Variants in SCN2A observed in about 807,000 individuals in gnomAD.
The protein encoded by SCN2A is sodium voltage-gated channel alpha subunit 2, also known as sodium channel protein type 2 subunit alpha.
SCN2A carries 20 observed loss-of-function variants against 188.7 expected under a neutral mutation model. The observed-to-expected ratio is 0.11, with a 90% CI of 0.07 to 0.15. SCN2A has a LOEUF of 0.15. SCN2A is among the 10% of genes least tolerant of loss of function. The pLI is 1.00. For synonymous variants in SCN2A, 804 were observed against 833.1 expected, an observed-to-expected ratio of 0.97 and a Z score of 0.60; for missense variants, 1,278 against 2,445.0, an observed-to-expected ratio of 0.52 and a Z score of 10.07.
intron 3 of SCN2A, among the ~76,000 whole-genome samples, chr2:165,302,432 A>C (rs1473463503): frequency 1.3e-5 from 2 of 152,202 alleles, no homozygotes; most frequent in Non-Finnish European, 2.9e-5. Context: ...CTTCTAGTTT[A>C]TATATAGGTT....
rs766254071 is a variant in SCN2A at position 165,323,207 on chromosome 2, G to A, written c.1723G>A (p.Ala575Thr). Residue 575 changes from alanine to threonine, a missense_variant, in exon 12 of 27, where the codon GCG becomes ACG. Coordinates refer to ENST00000375437, the MANE Select transcript of SCN2A (RefSeq NM_001040142.2). ...SLFSPRRNSR[A>T]SLFSFRGRAK... ...TTTCTCTCCAAGACGCAACAGTAGG[G>A]CGAGCCTTTTCAGCTTCAGAGGTCG... 6.2e-7 allele frequency: 1 copy of A among 1,614,164 alleles called. No individual in the cohort carries two copies. The highest frequency in any genetic ancestry group is 1.7e-5 in the Admixed American group (1 of 60,016).
intron 3 of SCN2A, among the ~76,000 whole-genome samples, chr2:165,302,450 C>T (rs1417130150): frequency 1.3e-5 from 2 of 152,122 alleles, no homozygotes; most frequent in Non-Finnish European, 2.9e-5. Context: ...GTTAAAAACT[C>T]CTCTGCAACT....
chr2:165,258,208 G>T (rs546672373), intron 1 of SCN2A, among the ~76,000 whole-genome samples: 2 of 151,968 alleles, frequency 1.3e-5, no homozygotes, highest in African/African-American at 4.8e-5. Context: ...TGTTGCAATC[G>T]CTTTGGCATT....
chr2:165,322,501 C>A (rs962782320), intron 11 of SCN2A, among the ~76,000 whole-genome samples: 8 of 152,024 alleles, frequency 5.3e-5, no homozygotes, highest in African/African-American at 9.7e-5. Context: ...TAAATATTGC[C>A]CTCAGATTTC....
intron 7 of SCN2A, among the ~76,000 whole-genome samples, chr2:165,311,273 G>T (rs770550648): frequency 6.6e-6 from 1 of 151,984 alleles, no homozygotes; most frequent in Non-Finnish European, 1.5e-5. Flanking sequence ...ATATGTGTGT[G>T]CATGTTTGTA....
intron 1 of SCN2A, among the ~76,000 whole-genome samples, chr2:165,241,809 T>C (rs1693632994): frequency 6.6e-6 from 1 of 152,144 alleles, no homozygotes. Context: ...TTTCTGTCCA[T>C]GGGGGGCTCA....
chr2:165,382,566 A>G (rs1184602193), intron 25 of SCN2A, among the ~76,000 whole-genome samples: 1 of 152,038 alleles, frequency 6.6e-6, no homozygotes. Flanking sequence ...CAAAGAAACC[A>G]CAATAACCCA....
In SCN2A at chr2:165,357,088, A is replaced by G. The variant is rs373581255; in HGVS notation, c.3399+2417A>G. ...GAGGGGTTTTTAATTCTGGCTTTAT[A>G]TCAAACTTTCTAGACATAAATTTAT... On this transcript the variant is annotated intron_variant, in intron 17 of 26. Coordinates refer to ENST00000375437, the MANE Select transcript of SCN2A (RefSeq NM_001040142.2). 1.2e-4 allele frequency among the ~76,000 whole-genome samples: 18 copies of G among 152,264 alleles called. No homozygotes were observed. In the East Asian group the frequency reaches 2.9e-3, roughly 25 times the overall value.
intron 1 of SCN2A, among the ~76,000 whole-genome samples, chr2:165,293,638 T>C (rs1696332317): frequency 6.6e-6 from 1 of 152,224 alleles, no homozygotes; most frequent in South Asian, 2.1e-4. Context: ...CATTAAGCAG[T>C]GCACTACTGT....
intron 3 of SCN2A, among the ~76,000 whole-genome samples, chr2:165,306,505 TGTGTGTGTGTGTGTG>T (rs1480399191): frequency 0.015 from 8 of 520 alleles, no homozygotes; most frequent in Admixed American, 0.071. Flanking sequence ...AATGGTATTT[TGTGTGTGTGTGTGTG>T]TGTGTGTGTG....
intron 16 of SCN2A, among the ~76,000 whole-genome samples, chr2:165,351,793 T>C (rs887259165): frequency 1.3e-5 from 2 of 152,140 alleles, no homozygotes; most frequent in Non-Finnish European, 2.9e-5. Context: ...TGATCTGGTA[T>C]TGATACTGCT....
At chr2:165,242,351 A>G (rs1364971513) in intron 1 of SCN2A, among the ~76,000 whole-genome samples, 1 of 152,198 alleles carries the variant, frequency 6.6e-6, no homozygotes, top group Non-Finnish European at 1.5e-5. Flanking sequence ...TGTGAAAATA[A>G]TGTGAGAAGT....
intron 1 of SCN2A, among the ~76,000 whole-genome samples, chr2:165,276,150 T>C (rs1474222159): frequency 1.3e-5 from 2 of 152,202 alleles, no homozygotes; most frequent in East Asian, 3.8e-4. Flanking sequence ...ACTGCCTTTT[T>C]TTGTTTGTTT....
intron 20 of SCN2A, chr2:165,371,412 C>G (rs899646727): frequency 1.3e-5 from 2 of 152,144 alleles, no homozygotes; most frequent in Non-Finnish European, 1.5e-5. Context: ...CCTGCAGTAG[C>G]TTACAGTTGA....
At chr2:165,380,884 A>G in intron 24 of SCN2A, 155 bp downstream of exon 24, 3 of 714,472 alleles carry the variant, frequency 4.2e-6, no homozygotes, top group Non-Finnish European at 7.0e-6. Flanking sequence ...TAAGCAATTA[A>G]TAATTCAGAT....
At chr2:165,384,796 A>G (rs951548578) in intron 25 of SCN2A, among the ~76,000 whole-genome samples, 7 of 152,170 alleles carry the variant, frequency 4.6e-5, no homozygotes, top group Non-Finnish European at 1.5e-5. Context: ...AATTCATGAG[A>G]CAGAGAAGGA....
chr2:165,313,708 T>C lies in SCN2A; in HGVS notation c.1123T>C (p.Leu375=), dbSNP rs775099850. ...CTTTGACACCTTTAGTTGGGCCTTT[T>C]TGTCCTTATTTCGTCTCATGACTCA... ...TSFDTFSWAF[L]SLFRLMTQDF... The change falls in exon 9 of 27, where the codon TTG becomes CTG. Residue 375 remains leucine, a synonymous_variant. Transcript: ENST00000375437. The C allele has an allele frequency of 6.2e-7, 1 of 1,613,720 alleles. No individual in the cohort carries two copies. Among genetic ancestry groups the C allele is most frequent in the Non-Finnish European group, 8.5e-7 (1 of 1,179,688 alleles).
At chr2:165,361,299 G>T in intron 17 of SCN2A, among the ~76,000 whole-genome samples, 1 of 151,836 alleles carries the variant, frequency 6.6e-6, no homozygotes, top group Non-Finnish European at 1.5e-5. Flanking sequence ...AATATAACTT[G>T]AATTAATACT....
rs1254211534 is a variant in SCN2A at position 165,350,475 on chromosome 2, T to C, written c.2920-3717T>C. Among the ~76,000 whole-genome samples the C allele has an allele frequency of 1.9e-4, 20 of 107,160 alleles. 1 individual carries two copies. Among genetic ancestry groups the C allele is most frequent in the African/African-American group, 5.6e-4 (16 of 28,616 alleles). 70.3% of individuals were successfully genotyped at this position (107,160 alleles called of 152,430 possible). ...GAACTGTTTTCTTTCTTTTTTTTTTTTTTTTTTTTTTTTTTGAGACGGAGT... is the reference window on the plus strand; with the variant it reads ...GAACTGTTTTCTTTCTTTTTTTTTTCTTTTTTTTTTTTTTTGAGACGGAGT... On this transcript the variant is annotated intron_variant, in intron 16 of 26. Transcript: ENST00000375437.
Sources: gnomAD v4.1 joint callset for allele counts (sites outside exome capture counted in the v4.1 genomes callset) on GRCh38, gnomAD v4.1.1 for gene constraint, MANE v1.5 for transcripts, NCBI Gene and HGNC (gene_info 2026-07-23, HGNC 2026-07-21) for gene names.